The following TRPM5 variants were observed in gnomAD, a reference collection of about 807,000 sequenced individuals.
The protein encoded by TRPM5 is MLSN1 and TRP-related.
Under a neutral mutation model 124.9 loss-of-function variants are expected in TRPM5, and 121 were observed. The observed-to-expected ratio is 0.97, with a 90% CI of 0.84 to 1.13. The LOEUF (loss-of-function observed/expected upper bound fraction) is 1.13, where lower values mean the gene tolerates loss of function less well. TRPM5 is among the 50% of genes most tolerant of loss of function. The probability of loss-of-function intolerance (pLI) is 0.00; values close to 1 mark genes in which losing one functional copy is unlikely to be tolerated. For synonymous variants in TRPM5, 781 were observed against 700.5 expected, an observed-to-expected ratio of 1.11 and a Z score of -1.81; for missense variants, 1,643 against 1,589.1, an observed-to-expected ratio of 1.03 and a Z score of -0.58.
chr11:2,414,050 C>T lies in TRPM5; in HGVS notation c.1890+11G>A. 6.4e-7 allele frequency: 1 copy of T among 1,551,536 alleles called. No individual in the cohort carries two copies. Among genetic ancestry groups the T allele is most frequent in the African/African-American group, 1.4e-5 (1 of 72,922 alleles). On this transcript the variant is annotated intron_variant, in intron 12 of 23. Transcript: ENST00000155858. ...CCCTGGCAGCTCTCCTCGAGGACAG[C>T]TGGCACTCACCTGAACGCCGTCGTG...
chr11:2,416,233 G>T (rs1845673963), intron 7 of TRPM5, among the ~76,000 whole-genome samples: 1 of 152,234 alleles, frequency 6.6e-6, no homozygotes, highest in African/African-American at 2.4e-5. Context: ...GCCCTGGTCT[G>T]CGTCGGGACG....
Position 2,411,779 on chromosome 11 carries a change from G to C in TRPM5, c.2475-12C>G, listed in dbSNP as rs1265725731. ...CCGACGGCAGCATCCTGGAGGATGG[G>C]AGGCTGATGCGGCTGCGGGGCCCAG... On this transcript the variant is annotated splice_polypyrimidine_tract_variant and intron_variant, in intron 16 of 23. Transcript: ENST00000155858. 1.9e-6 allele frequency: 3 copies of C among 1,612,290 alleles called. No individual in the cohort carries two copies. The highest frequency in any genetic ancestry group is 2.5e-6 in the Non-Finnish European group (3 of 1,179,696).
the TRPM5 span, among the ~76,000 whole-genome samples, chr11:2,430,493 A>T: frequency 6.8e-6 from 1 of 147,752 alleles, no homozygotes; most frequent in East Asian, 2.1e-4. Flanking sequence ...TGGTAATTAC[A>T]GTGGTAGTGG....
At position 2,412,235 on chromosome 11, in the gene TRPM5, C is replaced by G. The variant is rs376766205; in HGVS notation, c.2374G>C (p.Asp792His). 5.5e-5 allele frequency: 88 copies of G among 1,612,976 alleles called. No homozygotes were observed. The highest frequency in any genetic ancestry group is 7.3e-5 in the Non-Finnish European group (86 of 1,179,912). The change falls in exon 16 of 24, where the codon GAC becomes CAC. Residue 792 changes from aspartate (D) to histidine (H), a missense_variant. By Grantham distance (81) the Asp-to-His change is moderately conservative. Transcript: ENST00000155858. ...GTGAACTTCTTCACCAGGTGTGTGT[C>G]CTCGTCTGTGAAGAAGCCCTGGGAG...
chr11:2,412,058 A>G, intron 16 of TRPM5, 77 bp downstream of exon 21: 1 of 1,299,962 alleles, frequency 7.7e-7, no homozygotes, highest in South Asian at 1.2e-5. Flanking sequence ...CCACCGCCAC[A>G]CCCAACCTGA....
At chr11:2,431,854 T>C in the TRPM5 span, among the ~76,000 whole-genome samples, 1 of 152,164 alleles carries the variant, frequency 6.6e-6, no homozygotes, top group Non-Finnish European at 1.5e-5. Flanking sequence ...TTCATTTACT[T>C]TTTTGCTTGT....
chr11:2,422,045 G>T, intron 2 of TRPM5, 96 bp downstream of exon 7: 3 of 1,381,136 alleles, frequency 2.2e-6, no homozygotes, highest in Non-Finnish European at 2.9e-6. Context: ...CTGCCCTGTG[G>T]GGTGGGAGCA....
chr11:2,417,628 C>CGAGCGTCACAAACATT, intron 7 of TRPM5, 99 bp downstream of exon 12: 3 of 898,442 alleles, frequency 3.3e-6, no homozygotes, highest in Non-Finnish European at 3.5e-6. Context: ...GGCAGGCGGC[C>CGAGCGTCACAAACATT]GAGCGTCACA....
At chr11:2,405,635 C>T in intron 22 of TRPM5, 42 bp from the exon 28 acceptor site, 1 of 1,546,432 alleles carries the variant, frequency 6.5e-7, no homozygotes, top group South Asian at 1.2e-5. Flanking sequence ...AGGGCTCTCT[C>T]AGGACAGCAG....
chr11:2,430,761 TTGGTGGTGGTGA>T, the TRPM5 span, among the ~76,000 whole-genome samples: 2 of 75,710 alleles, frequency 2.6e-5, no homozygotes, highest in Non-Finnish European at 5.5e-5. Context: ...GGTGGTGGTT[TTGGTGGTGGTGA>T]TGGTGGTGTT....
At chr11:2,409,186 C>T (rs1010326609) in intron 18 of TRPM5, among the ~76,000 whole-genome samples, 11 of 152,190 alleles carry the variant, frequency 7.2e-5, no homozygotes, top group East Asian at 3.9e-4. Flanking sequence ...AGTCAGTGAG[C>T]GCCAGCCCTC....
chr11:2,411,604 A>G (rs757189489), intron 17 of TRPM5, 31 bp downstream of exon 22: 9 of 1,605,498 alleles, frequency 5.6e-6, no homozygotes, highest in South Asian at 1.1e-5. Context: ...CTGTCCCTCC[A>G]GGGCCAGGGC....
At chr11:2,439,959 A>C in the TRPM5 span, among the ~76,000 whole-genome samples, 3 of 152,260 alleles carry the variant, frequency 2.0e-5, no homozygotes, top group Admixed American at 1.3e-4. Context: ...CTGGGTAAAG[A>C]AAATGTGGTA....
At chr11:2,431,186 G>C in the TRPM5 span, among the ~76,000 whole-genome samples, 2 of 152,064 alleles carry the variant, frequency 1.3e-5, no homozygotes, top group Non-Finnish European at 2.9e-5. Context: ...GGTTGGTGTT[G>C]AGCTCAGAAA....
At chr11:2,407,646 A>G in intron 19 of TRPM5, 113 bp downstream of exon 24, 1 of 1,380,512 alleles carries the variant, frequency 7.2e-7, no homozygotes, top group Non-Finnish European at 1.0e-6. Flanking sequence ...CTGAGGCACC[A>G]AGCCTCACCC....
chr11:2,425,617 G>GCCCTGGGCGGCAGTCCTCA (rs1659925936), upstream of TRPM5, among the ~76,000 whole-genome samples: 1 of 55,052 alleles, frequency 1.8e-5, no homozygotes, highest in African/African-American at 7.4e-5. Flanking sequence ...TGTGCTTGTA[G>GCCCTGGGCGGCAGTCCTCA]CCCTGGGCGG....
chr11:2,411,686 GAT>G lies in TRPM5; in HGVS notation c.2554_2555del (p.Ile852LeufsTer47). ...GGCCCAGCTGCTTGTGTATGGCAAAGATATGGATCAGCCGCAGCGTGAACACC... is the reference window on the plus strand; with the variant it reads ...GGCCCAGCTGCTTGTGTATGGCAAAGATGGATCAGCCGCAGCGTGAACACC... On this transcript the variant is annotated frameshift_variant, in exon 17 of 24. Coordinates refer to ENST00000155858, the Ensembl canonical transcript of TRPM5. LOFTEE classifies it high-confidence loss of function. 6.2e-7 allele frequency: 1 copy of G among 1,612,776 alleles called. No individual in the cohort carries two copies. Among genetic ancestry groups the G allele is most frequent in the Non-Finnish European group, 8.5e-7 (1 of 1,179,900 alleles).
chr11:2,415,626 C>G (rs1845658284), intron 8 of TRPM5, among the ~76,000 whole-genome samples, 155 bp from the exon 14 acceptor site: 1 of 152,158 alleles, frequency 6.6e-6, no homozygotes, highest in Admixed American at 6.5e-5. Context: ...CCAGCCTGCC[C>G]CCTGCATTGG....
chr11:2,408,757 G>A (rs1202247672), intron 18 of TRPM5, among the ~76,000 whole-genome samples: 3 of 152,218 alleles, frequency 2.0e-5, no homozygotes, highest in African/African-American at 7.2e-5. Context: ...GGGTGCTCAG[G>A]GTCCCAGCCA....
Sources: allele counts gnomAD v4.1 joint callset (sites outside exome capture counted in the v4.1 genomes callset), GRCh38; gene constraint gnomAD v4.1.1; transcripts MANE v1.5; gene names NCBI Gene and HGNC (gene_info 2026-07-23, HGNC 2026-07-21).